Variants in ERC2 observed in about 807,000 individuals in gnomAD.
The protein encoded by ERC2 is ELKS/RAB6-interacting/CAST family member 2.
Under a neutral mutation model 114.8 loss-of-function variants are expected in ERC2, and 42 were observed. That is an observed-to-expected ratio of 0.37 (90% CI 0.29 to 0.47). The LOEUF is 0.47. Ranked by LOEUF, ERC2 falls within the 20% of genes least tolerant of loss-of-function variation. The pLI, the probability that ERC2 is intolerant of heterozygous loss-of-function variation, is 0.99. For synonymous variants in ERC2, 454 were observed against 425.5 expected (o/e 1.07, Z -0.82); for missense variants, 939 against 1,150.7 (o/e 0.82, Z 2.66).
chr3:55,994,272 C>A (rs940165595), intron 10 of ERC2, among the ~76,000 whole-genome samples: 1 of 152,084 alleles, frequency 6.6e-6, no homozygotes, highest in African/African-American at 2.4e-5. Flanking sequence ...TTGCCTGTTT[C>A]TTAGGACAGT....
At chr3:56,073,293 C>T (rs1312664620) in intron 7 of ERC2, among the ~76,000 whole-genome samples, 1 of 152,184 alleles carries the variant, frequency 6.6e-6, no homozygotes, top group Non-Finnish European at 1.5e-5. Flanking sequence ...GAAAGGACTC[C>T]TGTAGACCAG....
chr3:56,350,515 A>G (rs2058510767), intron 2 of ERC2, among the ~76,000 whole-genome samples: 2 of 152,222 alleles, frequency 1.3e-5, no homozygotes, highest in Non-Finnish European at 2.9e-5. Context: ...AGGAAATTCC[A>G]GTATGAAGAC....
At chr3:56,006,697 T>C (rs560862381) in intron 10 of ERC2, among the ~76,000 whole-genome samples, 1 of 152,090 alleles carries the variant, frequency 6.6e-6, no homozygotes, top group Non-Finnish European at 1.5e-5. Flanking sequence ...ATATAAATAG[T>C]CATTCTACAG....
intron 17 of ERC2, among the ~76,000 whole-genome samples, chr3:55,525,445 A>G (rs372062024): frequency 6.6e-6 from 1 of 152,148 alleles, no homozygotes; most frequent in African/African-American, 2.4e-5. Context: ...GCCCCGAGAC[A>G]CCTCATATGG....
chr3:55,901,535 A>G (rs928584429), intron 13 of ERC2, among the ~76,000 whole-genome samples: 11 of 152,198 alleles, frequency 7.2e-5, no homozygotes, highest in African/African-American at 2.7e-4. Flanking sequence ...TCAAATCTTT[A>G]AAGCCAGCAA....
At chr3:56,275,620 A>G (rs1367960465) in intron 3 of ERC2, among the ~76,000 whole-genome samples, 1 of 152,224 alleles carries the variant, frequency 6.6e-6, no homozygotes, top group African/African-American at 2.4e-5. Flanking sequence ...TCATGTGTCC[A>G]CAGGTCTCTT....
At chr3:56,357,835 G>A (rs112459498) in intron 2 of ERC2, among the ~76,000 whole-genome samples, 1 of 150,006 alleles carries the variant, frequency 6.7e-6, no homozygotes, top group African/African-American at 2.5e-5. Context: ...AATACTGCAA[G>A]CCTCAAGGAA....
intron 3 of ERC2, among the ~76,000 whole-genome samples, chr3:56,194,252 AG>A (rs2047960009): frequency 6.6e-6 from 1 of 152,170 alleles, no homozygotes; most frequent in African/African-American, 2.4e-5. Flanking sequence ...ACCCCACAAA[AG>A]AAGATCTATC....
At chr3:56,412,068 G>A (rs1285796664) in intron 2 of ERC2, among the ~76,000 whole-genome samples, 1 of 152,182 alleles carries the variant, frequency 6.6e-6, no homozygotes, top group Non-Finnish European at 1.5e-5. Context: ...CTGGATTTAG[G>A]ACAAGCCCTA....
intron 14 of ERC2, among the ~76,000 whole-genome samples, chr3:55,749,725 C>T (rs886975630): frequency 6.6e-6 from 1 of 152,150 alleles, no homozygotes. Context: ...GGAATAAAAT[C>T]TGGCCACCCC....
intron 17 of ERC2, among the ~76,000 whole-genome samples, chr3:55,660,813 C>T (rs939663887): frequency 1.8e-4 from 27 of 152,290 alleles, no homozygotes; most frequent in African/African-American, 5.8e-4. Flanking sequence ...GGTAGCTAAC[C>T]TCTGTGAGCC....
intron 7 of ERC2, among the ~76,000 whole-genome samples, chr3:56,024,424 T>C (rs1277318264): frequency 6.6e-6 from 1 of 152,174 alleles, no homozygotes; most frequent in Non-Finnish European, 1.5e-5. Context: ...GAAGGAACCC[T>C]AACAAGAGTG....
intron 6 of ERC2, among the ~76,000 whole-genome samples, chr3:56,102,560 T>G (rs2078419669): frequency 6.6e-6 from 1 of 152,202 alleles, no homozygotes; most frequent in Non-Finnish European, 1.5e-5. Flanking sequence ...TCATTCCATT[T>G]GAAAGACAGC....
intron 14 of ERC2, among the ~76,000 whole-genome samples, chr3:55,843,971 G>A (rs368959790): frequency 6.6e-6 from 1 of 152,210 alleles, no homozygotes; most frequent in East Asian, 1.9e-4. Context: ...ACTTCAGACT[G>A]TATTACCTAT....
At chr3:55,921,340 G>C (rs558825987) in intron 13 of ERC2, among the ~76,000 whole-genome samples, 2 of 152,154 alleles carry the variant, frequency 1.3e-5, no homozygotes, top group South Asian at 4.1e-4. Context: ...TTGGGGAAGA[G>C]GGGGCAGGGT....
chr3:56,204,023 T>A (rs994581353), intron 3 of ERC2, among the ~76,000 whole-genome samples: 3 of 151,526 alleles, frequency 2.0e-5, no homozygotes, highest in African/African-American at 7.3e-5. Flanking sequence ...CTACTAAAAA[T>A]ACACACACAA....
chr3:56,440,183 C>T (rs2062221735), intron 1 of ERC2, among the ~76,000 whole-genome samples: 1 of 152,128 alleles, frequency 6.6e-6, no homozygotes, highest in Non-Finnish European at 1.5e-5. Context: ...CATAGATAAC[C>T]TCTATTAACA....
At chr3:56,282,079 C>T (rs962142854) in intron 3 of ERC2, among the ~76,000 whole-genome samples, 3 of 152,144 alleles carry the variant, frequency 2.0e-5, no homozygotes, top group Admixed American at 2.0e-4. Flanking sequence ...TAGGTCATGT[C>T]ACTTGAGACC....
chr3:56,286,414 C>CAAA (rs778645110), intron 3 of ERC2, among the ~76,000 whole-genome samples: 586 of 30,058 alleles, frequency 0.019, 5 homozygotes, highest in Non-Finnish European at 0.025. Context: ...AACTCCATCT[C>CAAA]AAAAAAAAAA....
Sources: allele counts gnomAD v4.1 joint callset (sites outside exome capture counted in the v4.1 genomes callset), GRCh38; gene constraint gnomAD v4.1.1; transcripts MANE v1.5; gene names NCBI Gene and HGNC (gene_info 2026-07-23, HGNC 2026-07-21).